The following PPP6R3 variants were observed in gnomAD, a reference collection of about 807,000 sequenced individuals.
PPP6R3 encodes serine/threonine-protein phosphatase 6 regulatory subunit 3.
PPP6R3 carries 38 observed loss-of-function variants against 110.7 expected under a neutral mutation model. The ratio of observed to expected loss-of-function variants is 0.34; its 90% CI spans 0.26 to 0.45. The LOEUF (loss-of-function observed/expected upper bound fraction) is 0.45. Among genes scored for constraint, PPP6R3 ranks in the 20% least tolerant of loss-of-function variants. The probability of loss-of-function intolerance (pLI) is 1.00; values close to 1 mark genes in which losing one functional copy is unlikely to be tolerated. For synonymous variants in PPP6R3, 369 were observed against 373.5 expected (o/e 0.99, Z 0.14); for missense variants, 870 against 1,062.4 (o/e 0.82, Z 2.52).
intron 14 of PPP6R3, among the ~76,000 whole-genome samples, chr11:68,577,004 CAG>C (rs985830096): frequency 3.9e-5 from 6 of 152,278 alleles, no homozygotes; most frequent in African/African-American, 1.2e-4. Context: ...AGACTCCTGA[CAG>C]AGTCACACTT....
chr11:68,602,202 T>A (rs2099634020), intron 21 of PPP6R3, among the ~76,000 whole-genome samples: 1 of 152,184 alleles, frequency 6.6e-6, no homozygotes, highest in African/African-American at 2.4e-5. Context: ...ATTAGGAAAC[T>A]GAGGTCTAGA....
At chr11:68,491,322 C>T (rs931639413) in intron 1 of PPP6R3, among the ~76,000 whole-genome samples, 2 of 140,790 alleles carry the variant, frequency 1.4e-5, no homozygotes, top group African/African-American at 5.3e-5. Flanking sequence ...TGTTAAGTGT[C>T]TTCAGCTGTG....
At chr11:68,472,389 G>A (rs2098798460) in intron 1 of PPP6R3, among the ~76,000 whole-genome samples, 1 of 152,134 alleles carries the variant, frequency 6.6e-6, no homozygotes, top group Admixed American at 6.5e-5. Context: ...AAGAAGGAAC[G>A]CTGCCTTAAA....
chr11:68,614,026 C>A lies in PPP6R3; in HGVS notation c.*909C>A, dbSNP rs1298663170. ...AGCATCACCAATGAACATTTCAGAG[C>A]AATCTGCATATTTAACAGACCTAAA... is the stretch of plus-strand genomic sequence containing the variant. On this transcript the variant is annotated 3_prime_UTR_variant, in exon 24 of 24. Coordinates refer to ENST00000393800, the MANE Select transcript of PPP6R3 (RefSeq NM_001164161.2). 1.0e-6 allele frequency: 1 copy of A among 985,196 alleles called. No individual in the cohort carries two copies. Among genetic ancestry groups the A allele is most frequent in the Non-Finnish European group, 1.2e-6 (1 of 829,818 alleles). 61.0% of individuals were successfully genotyped at this position (985,196 alleles called of 1,614,324 possible).
At chr11:68,477,470 C>T (rs1219602676) in intron 1 of PPP6R3, among the ~76,000 whole-genome samples, 3 of 151,686 alleles carry the variant, frequency 2.0e-5, no homozygotes, top group Admixed American at 6.6e-5. Context: ...CCTGTTATCC[C>T]GACACTTTGG....
intron 15 of PPP6R3, chr11:68,587,209 G>A (rs1338989523): frequency 3.7e-5 from 5 of 134,662 alleles, no homozygotes; most frequent in Non-Finnish European, 4.6e-5. Flanking sequence ...CTAAAAACCC[G>A]AACAAGTCTG....
intron 1 of PPP6R3, among the ~76,000 whole-genome samples, chr11:68,512,783 A>G (rs940808653): frequency 1.3e-5 from 2 of 152,198 alleles, no homozygotes; most frequent in African/African-American, 2.4e-5. Context: ...ATCTAAACGC[A>G]CTTGCTTAAT....
intron 13 of PPP6R3, 46 bp from the exon 14 acceptor site, chr11:68,575,912 G>C (rs764171741): frequency 7.2e-7 from 1 of 1,393,684 alleles, no homozygotes; most frequent in South Asian, 1.2e-5. Flanking sequence ...TGTCTCCGTG[G>C]AGGTCATTGT....
chr11:68,495,755 T>C (rs991198716), intron 1 of PPP6R3, among the ~76,000 whole-genome samples: 3 of 152,238 alleles, frequency 2.0e-5, no homozygotes, highest in Non-Finnish European at 2.9e-5. Flanking sequence ...CTTGGATGTT[T>C]CTGAGTTTTG....
At chr11:68,556,953 T>C (rs1323564417) in intron 7 of PPP6R3, among the ~76,000 whole-genome samples, 1 of 152,186 alleles carries the variant, frequency 6.6e-6, no homozygotes, top group African/African-American at 2.4e-5. Context: ...GACACAGCGG[T>C]GAAATGGCTA....
rs1011763480 is a variant in PPP6R3, at chr11:68,580,187, C to T, written c.1546-2856C>T. 2.6e-5 allele frequency among the ~76,000 whole-genome samples: 4 copies of T among 152,152 alleles called. No homozygotes were observed. The South Asian group carries it at 8.3e-4, about 32-fold the overall frequency. ...GTGTGCAGGGACTTGCATGTTGTCC[C>T]GTGTGGATGTAACAGTAAGCAAAGG... On this transcript the variant is annotated intron_variant, in intron 14 of 23. Coordinates refer to ENST00000393800, the MANE Select transcript of PPP6R3 (RefSeq NM_001164161.2).
intron 2 of PPP6R3, among the ~76,000 whole-genome samples, chr11:68,525,496 AT>A (rs1421013799): frequency 6.6e-6 from 1 of 152,214 alleles, no homozygotes; most frequent in African/African-American, 2.4e-5. Context: ...ACTGTAAAAC[AT>A]TTACAAAAGA....
intron 9 of PPP6R3, among the ~76,000 whole-genome samples, chr11:68,566,655 C>A (rs549661550): frequency 1.3e-5 from 2 of 152,228 alleles, no homozygotes; most frequent in South Asian, 4.1e-4. Context: ...GCTACTGTGC[C>A]CGGCCATAAC....
At chr11:68,524,366 T>G (rs984404363) in intron 2 of PPP6R3, among the ~76,000 whole-genome samples, 1 of 152,202 alleles carries the variant, frequency 6.6e-6, no homozygotes, top group African/African-American at 2.4e-5. Flanking sequence ...GCCATCTCTT[T>G]GGATGCCATG....
intron 1 of PPP6R3, among the ~76,000 whole-genome samples, chr11:68,512,324 T>G (rs1353195530): frequency 6.6e-6 from 1 of 152,172 alleles, no homozygotes; most frequent in East Asian, 1.9e-4. Flanking sequence ...ACACCATCTC[T>G]TCTCACATGT....
chr11:68,563,986 T>C (rs991677409), intron 8 of PPP6R3, among the ~76,000 whole-genome samples: 5 of 152,226 alleles, frequency 3.3e-5, no homozygotes, highest in African/African-American at 1.2e-4. Context: ...GTTGGATCCC[T>C]TTCGCTTTCC....
chr11:68,499,267 G>A (rs1481164223), intron 1 of PPP6R3, among the ~76,000 whole-genome samples: 1 of 152,168 alleles, frequency 6.6e-6, no homozygotes, highest in Non-Finnish European at 1.5e-5. Flanking sequence ...TGGCTTGGGT[G>A]TGATTAGCCC....
At chr11:68,534,476 C>CT (rs2099258943) in intron 2 of PPP6R3, among the ~76,000 whole-genome samples, 1 of 152,132 alleles carries the variant, frequency 6.6e-6, no homozygotes, top group African/African-American at 2.4e-5. Context: ...TACCACTCTT[C>CT]TTTAGAAATC....
rs1051358043 is a variant in PPP6R3, at chr11:68,613,775, A to G, written c.*658A>G. 2 of 982,174 alleles carry G rather than the reference A, an allele frequency of 2.0e-6. No homozygotes were observed. Among genetic ancestry groups the G allele is most frequent in the Non-Finnish European group, 2.4e-6 (2 of 826,614 alleles). The allele number at this position is 982,174 out of a possible 1,614,324, so 60.8% of individuals were successfully genotyped here. On this transcript the variant is annotated 3_prime_UTR_variant, in exon 24 of 24. Coordinates refer to ENST00000393800, the MANE Select transcript of PPP6R3 (RefSeq NM_001164161.2). ...TAAGTAAAGTATTTATTGCTACATC[A>G]TAGTTGATAAATTGATGTTATCGTA...
Sources: allele counts gnomAD v4.1 joint callset (sites outside exome capture counted in the v4.1 genomes callset), GRCh38; gene constraint gnomAD v4.1.1; transcripts MANE v1.5; gene names NCBI Gene and HGNC (gene_info 2026-07-23, HGNC 2026-07-21).